The following PRKD1 variants were observed in gnomAD, a reference collection of about 807,000 sequenced individuals.
The protein encoded by PRKD1 is serine/threonine-protein kinase D1.
PRKD1 carries 63 observed loss-of-function variants against 95.9 expected under a neutral mutation model. The ratio of observed to expected loss-of-function variants is 0.66; its 90% CI spans 0.54 to 0.81. PRKD1 has a LOEUF of 0.81. Among genes scored for constraint, PRKD1 ranks in the 30% least tolerant of loss-of-function variants. PRKD1 has a pLI of 0.00. For missense variants in PRKD1, 1,048 were observed against 1,165.3 expected (o/e 0.90, Z 1.47); for synonymous variants, 425 against 423.1 (o/e 1.00, Z -0.05).
At position 29,636,411 on chromosome 14, in the gene PRKD1, T is replaced by C. The variant is rs138543503; in HGVS notation, c.1069A>G (p.Met357Val). The C allele has an allele frequency of 5.0e-6, 8 of 1,614,140 alleles. No individual in the cohort carries two copies. Among genetic ancestry groups the C allele is most frequent in the South Asian group, 3.3e-5 (3 of 91,086 alleles). Residue 357 changes from methionine to valine, a missense_variant, in exon 7 of 18, where the codon ATG becomes GTG. This residue lies in a region of PRKD1 where 739 missense variants were observed against 861.9 expected (regional missense o/e 0.86). Coordinates refer to ENST00000331968, the MANE Select transcript of PRKD1 (RefSeq NM_002742.3). The part of the protein sequence containing the change: ...DNDSERNSGL[M>V]DDMEEAMVQD... Reference sequence around the variant, plus strand: ...ACCATTGCTTCTTCCATATCATCCATGAGCCCACTGTTCCTTTCACTATCA... The same window carrying C: ...ACCATTGCTTCTTCCATATCATCCACGAGCCCACTGTTCCTTTCACTATCA...
chr14:29,777,871 C>A, intron 1 of PRKD1, among the ~76,000 whole-genome samples: 1 of 152,054 alleles, frequency 6.6e-6, no homozygotes, highest in East Asian at 1.9e-4. Context: ...ACACTTATTC[C>A]AAAATTGACC....
chr14:29,847,382 A>G (rs1892120901), intron 1 of PRKD1, among the ~76,000 whole-genome samples: 1 of 152,140 alleles, frequency 6.6e-6, no homozygotes, highest in Non-Finnish European at 1.5e-5. Context: ...TCCATATACA[A>G]CATGAGGTTC....
chr14:29,796,626 G>A (rs1453135630), intron 1 of PRKD1, among the ~76,000 whole-genome samples: 1 of 152,098 alleles, frequency 6.6e-6, no homozygotes, highest in Non-Finnish European at 1.5e-5. Flanking sequence ...TGAAAAATGT[G>A]GAGGAACAAG....
rs45624538 is a variant in PRKD1 at position 29,626,581 on chromosome 14, A to C, written c.1726-25T>G. On this transcript the variant is annotated intron_variant, in intron 11 of 17. Transcript: ENST00000331968. ...CCTAGAGGTACAAGCCCAATGAAAAAAAAACATGAAGCAGAACAAAACATT... is the reference window on the plus strand; with the variant it reads ...CCTAGAGGTACAAGCCCAATGAAAACAAAACATGAAGCAGAACAAAACATT... The C allele has an allele frequency of 1.2e-3, 1,788 of 1,510,618 alleles. 3 individuals carry two copies. The highest frequency in any genetic ancestry group is 1.5e-3 in the Non-Finnish European group (1,677 of 1,116,970). 93.6% of individuals were successfully genotyped at this position (1,510,618 alleles called of 1,614,324 possible).
chr14:29,783,519 G>T, intron 1 of PRKD1, among the ~76,000 whole-genome samples: 1 of 152,124 alleles, frequency 6.6e-6, no homozygotes. Context: ...CCAGTAGTGG[G>T]ATTGCTGGAT....
chr14:29,639,448 G>A lies in PRKD1; in HGVS notation c.697-544C>T, dbSNP rs370298768. ...CAGCCTGGCTAACATGGTGAAACCC[G>A]TCTCTACTAAAAATACAAAAATTAG... On this transcript the variant is annotated intron_variant, in intron 4 of 17. Coordinates refer to ENST00000331968, the MANE Select transcript of PRKD1 (RefSeq NM_002742.3). Among the ~76,000 whole-genome samples, 4 of 151,922 alleles carry A rather than the reference G, an allele frequency of 2.6e-5. 1 individual carries two copies. The highest frequency in any genetic ancestry group is 9.7e-5 in the African/African-American group (4 of 41,440).
At chr14:29,732,904 C>T (rs1886510542) in intron 1 of PRKD1, among the ~76,000 whole-genome samples, 2 of 146,432 alleles carry the variant, frequency 1.4e-5, no homozygotes, top group African/African-American at 2.5e-5. Context: ...TAGTGATGTG[C>T]CTTGAAGTGT....
chr14:29,648,724 G>A (rs745328442), intron 4 of PRKD1, among the ~76,000 whole-genome samples: 7 of 151,886 alleles, frequency 4.6e-5, no homozygotes, highest in South Asian at 2.1e-4. Flanking sequence ...GTGCGATCTC[G>A]GCTCACTGCC....
chr14:29,897,888 T>A (rs926817898), intron 1 of PRKD1, among the ~76,000 whole-genome samples: 1 of 152,060 alleles, frequency 6.6e-6, no homozygotes, highest in African/African-American at 2.4e-5. Flanking sequence ...GAAATAGGAG[T>A]TAACATTTTC....
chr14:29,637,191 G>A (rs1880443888), intron 6 of PRKD1, among the ~76,000 whole-genome samples: 1 of 152,110 alleles, frequency 6.6e-6, no homozygotes, highest in Non-Finnish European at 1.5e-5. Flanking sequence ...GTAAGAGGAT[G>A]ACAGAAATTT....
At chr14:29,915,670 T>G (rs934381502) in intron 1 of PRKD1, among the ~76,000 whole-genome samples, 6 of 152,172 alleles carry the variant, frequency 3.9e-5, no homozygotes, top group African/African-American at 1.4e-4. Flanking sequence ...GAATTCCAGA[T>G]GAGGGAAGCC....
At chr14:29,614,963 C>T (rs867770063) in intron 13 of PRKD1, among the ~76,000 whole-genome samples, 198 of 151,214 alleles carry the variant, frequency 1.3e-3, no homozygotes, top group Admixed American at 2.3e-3. Context: ...CTGCCCGCCT[C>T]GGCCTCCCAA....
At chr14:29,900,051 C>T (rs939956208) in intron 1 of PRKD1, among the ~76,000 whole-genome samples, 1 of 152,192 alleles carries the variant, frequency 6.6e-6, no homozygotes, top group African/African-American at 2.4e-5. Context: ...TGTAAGTTTC[C>T]TGAGGCCTCC....
intron 1 of PRKD1, among the ~76,000 whole-genome samples, chr14:29,823,537 T>A (rs1335525392): frequency 1.3e-5 from 2 of 152,150 alleles, no homozygotes; most frequent in Non-Finnish European, 2.9e-5. Context: ...AATGACAGAA[T>A]CATTGAATGA....
intron 2 of PRKD1, among the ~76,000 whole-genome samples, chr14:29,697,303 ATTC>A (rs1459592471): frequency 1.3e-5 from 2 of 152,294 alleles, no homozygotes; most frequent in African/African-American, 2.4e-5. Flanking sequence ...TTTGAAAACT[ATTC>A]TTCTTATACC....
rs568121501 is a variant in PRKD1 at position 29,643,039 on chromosome 14, GT to G, written c.697-4136del. Reference sequence around the variant, plus strand: ...ACTTAAAGAGCACATTTAAAATTTCGTTTTTTATAACTATGGGCAACACATA... The same window carrying G: ...ACTTAAAGAGCACATTTAAAATTTCGTTTTTATAACTATGGGCAACACATA... On this transcript the variant is annotated intron_variant, in intron 4 of 17. Coordinates refer to ENST00000331968, the MANE Select transcript of PRKD1 (RefSeq NM_002742.3). 4.9e-4 allele frequency among the ~76,000 whole-genome samples: 75 copies of G among 151,708 alleles called. No individual in the cohort carries two copies. The South Asian group carries it at 0.015, about 31-fold the overall frequency.
intron 1 of PRKD1, among the ~76,000 whole-genome samples, chr14:29,752,546 C>G (rs185105685): frequency 1.1e-4 from 17 of 151,234 alleles, no homozygotes; most frequent in Admixed American, 1.1e-3. Flanking sequence ...CTTGAGTGGA[C>G]AAATATTTAT....
chr14:29,894,233 G>A (rs908512324), intron 1 of PRKD1, among the ~76,000 whole-genome samples: 1 of 152,198 alleles, frequency 6.6e-6, no homozygotes, highest in Non-Finnish European at 1.5e-5. Context: ...AGGAGGCGGG[G>A]GAGTATAAGG....
intron 1 of PRKD1, among the ~76,000 whole-genome samples, chr14:29,845,388 C>T (rs1284456310): frequency 6.6e-6 from 1 of 152,184 alleles, no homozygotes; most frequent in Non-Finnish European, 1.5e-5. Flanking sequence ...TATAAGCACA[C>T]TACCAATATG....
Sources: allele counts gnomAD v4.1 joint callset (sites outside exome capture counted in the v4.1 genomes callset), GRCh38; gene constraint gnomAD v4.1.1; regional missense constraint gnomAD v4.1.1; transcripts MANE v1.5; gene names NCBI Gene and HGNC (gene_info 2026-07-23, HGNC 2026-07-21).